Variants in AKAP6 observed in about 807,000 individuals in gnomAD.
AKAP6 encodes the protein A-kinase anchoring protein 6, also known as A-kinase anchor protein 6.
Under a neutral mutation model 188.5 loss-of-function variants are expected in AKAP6, and 58 were observed. The ratio of observed to expected loss-of-function variants is 0.31; its 90% confidence interval spans 0.25 to 0.38. The LOEUF (loss-of-function observed/expected upper bound fraction) is 0.38, where lower values mean the gene tolerates loss of function less well. AKAP6 is among the 10% of genes least tolerant of loss of function. The pLI is 1.00. For missense variants in AKAP6, 2,710 were observed against 2,740.0 expected, an observed-to-expected ratio of 0.99 and a Z score of 0.24; for synonymous variants, 989 against 998.6, an observed-to-expected ratio of 0.99 and a Z score of 0.18.
rs542229337 is a variant in AKAP6, at chr14:32,587,229, T to C, written c.2469+9987T>C. On this transcript the variant is annotated intron_variant, in intron 5 of 13. Coordinates refer to ENST00000280979, the MANE Select transcript of AKAP6 (RefSeq NM_004274.5). Reference sequence around the variant, plus strand: ...CTGTTTTTCTGTTGGTCATTGTTTTTTTTGCTTCAGGATTTATAGGGGCTT... The same window carrying C: ...CTGTTTTTCTGTTGGTCATTGTTTTCTTTGCTTCAGGATTTATAGGGGCTT... Among the ~76,000 whole-genome samples the C allele has an allele frequency of 2.5e-3, 388 of 152,158 alleles. 1 individual carries two copies. The highest frequency in any genetic ancestry group is 4.4e-3 in the Non-Finnish European group (299 of 67,972).
At chr14:32,398,768 C>T (rs1184269571) in intron 1 of AKAP6, among the ~76,000 whole-genome samples, 1 of 138,958 alleles carries the variant, frequency 7.2e-6, no homozygotes, top group Non-Finnish European at 1.5e-5. Flanking sequence ...TTGCCCTTTT[C>T]TTTCTTTTCT....
intron 7 of AKAP6, among the ~76,000 whole-genome samples, chr14:32,632,134 C>T (rs1887300765): frequency 6.6e-6 from 1 of 152,022 alleles, no homozygotes; most frequent in South Asian, 2.1e-4. Context: ...ACTGGGATGT[C>T]TGTTTTGCTA....
intron 2 of AKAP6, among the ~76,000 whole-genome samples, chr14:32,531,353 A>G (rs2139099752): frequency 6.6e-6 from 1 of 152,348 alleles, no homozygotes; most frequent in Middle Eastern, 3.4e-3. Flanking sequence ...ATTACTATAT[A>G]AAATTAGTGC....
chr14:32,408,146 A>C (rs1889358123), intron 1 of AKAP6, among the ~76,000 whole-genome samples: 2 of 152,156 alleles, frequency 1.3e-5, no homozygotes, highest in African/African-American at 4.8e-5. Flanking sequence ...TGTTTGCCAC[A>C]CCATGGCTAG....
At chr14:32,454,689 C>T (rs553588281) in intron 2 of AKAP6, among the ~76,000 whole-genome samples, 3 of 41,792 alleles carry the variant, frequency 7.2e-5, no homozygotes, top group South Asian at 1.7e-3. Flanking sequence ...CCCTCCTTCC[C>T]TCCCTCCCTC....
At position 32,603,915 on chromosome 14, in the gene AKAP6, TA is replaced by T. The variant is rs1190302235; in HGVS notation, c.2730+3130del. ...CTCAACGAGCAAGAATTATTATAAA[TA>T]AAAAAATAAGAATACATTTAAAAAT... On this transcript the variant is annotated intron_variant, in intron 7 of 13. Transcript: ENST00000280979. Among the ~76,000 whole-genome samples, 3 of 151,826 alleles carry T rather than the reference TA, an allele frequency of 2.0e-5. No individual in the cohort carries two copies. In the East Asian group the frequency reaches 5.8e-4, roughly 29 times the overall value.
chr14:32,686,583 A>C (rs1197624602), intron 8 of AKAP6, among the ~76,000 whole-genome samples: 1 of 152,188 alleles, frequency 6.6e-6, no homozygotes, highest in African/African-American at 2.4e-5. Context: ...CTATGTACCC[A>C]CAAAAATTAA....
chr14:32,684,252 GC>G (rs1387682291), intron 8 of AKAP6, among the ~76,000 whole-genome samples: 1 of 152,158 alleles, frequency 6.6e-6, no homozygotes, highest in Non-Finnish European at 1.5e-5. Context: ...GGTAAACTAT[GC>G]CCTCCCTGCC....
intron 2 of AKAP6, among the ~76,000 whole-genome samples, chr14:32,526,860 C>T (rs1429900738): frequency 6.6e-6 from 1 of 152,170 alleles, no homozygotes; most frequent in African/African-American, 2.4e-5. Context: ...CTTATATCCC[C>T]TTGCATTAAG....
chr14:32,735,021 G>A (rs1006287584), intron 10 of AKAP6, among the ~76,000 whole-genome samples: 9 of 152,162 alleles, frequency 5.9e-5, no homozygotes, highest in South Asian at 4.1e-4. Context: ...ACACATATTC[G>A]GTATTAGAAA....
chr14:32,682,010 G>GA (rs1889698381), intron 8 of AKAP6, among the ~76,000 whole-genome samples: 2 of 152,324 alleles, frequency 1.3e-5, no homozygotes, highest in African/African-American at 4.8e-5. Context: ...TTGTTAGGAG[G>GA]AACCAGATCT....
chr14:32,510,438 G>C (rs111969595), intron 2 of AKAP6, among the ~76,000 whole-genome samples: 3 of 84,458 alleles, frequency 3.6e-5, no homozygotes, highest in African/African-American at 1.4e-4. Flanking sequence ...ATATATATGT[G>C]TATATATATA....
At chr14:32,641,369 G>A (rs1294606756) in intron 7 of AKAP6, among the ~76,000 whole-genome samples, 2 of 151,554 alleles carry the variant, frequency 1.3e-5, no homozygotes, top group African/African-American at 2.4e-5. Flanking sequence ...TGGGTGTGGT[G>A]GCTCACACCT....
At chr14:32,807,215 G>A (rs775159873) in intron 12 of AKAP6, among the ~76,000 whole-genome samples, 3 of 151,582 alleles carry the variant, frequency 2.0e-5, no homozygotes, top group Non-Finnish European at 4.4e-5. Context: ...AGGCATGGTG[G>A]CACAAGAGGC....
intron 7 of AKAP6, among the ~76,000 whole-genome samples, chr14:32,617,626 G>GTTGTT (rs750774210): frequency 6.6e-5 from 10 of 151,968 alleles, no homozygotes; most frequent in Non-Finnish European, 1.2e-4. Context: ...TGTCCTTTAG[G>GTTGTT]TTGTTTTGTT....
At chr14:32,616,789 T>C (rs1886600700) in intron 7 of AKAP6, among the ~76,000 whole-genome samples, 1 of 152,236 alleles carries the variant, frequency 6.6e-6, no homozygotes, top group Admixed American at 6.5e-5. Flanking sequence ...AACTAAATCT[T>C]ACTTATAAGC....
chr14:32,547,478 T>C (rs920882257), intron 4 of AKAP6, among the ~76,000 whole-genome samples: 6 of 152,112 alleles, frequency 3.9e-5, no homozygotes, highest in African/African-American at 1.2e-4. Context: ...ATTAGGGATC[T>C]TTTTTTTCTT....
At chr14:32,710,712 T>C (rs1462505941) in intron 9 of AKAP6, among the ~76,000 whole-genome samples, 2 of 152,060 alleles carry the variant, frequency 1.3e-5, no homozygotes, top group Admixed American at 6.6e-5. Context: ...TTGTTAAACG[T>C]AGGAAGTAGG....
intron 11 of AKAP6, 57 bp from the exon 12 acceptor site, chr14:32,773,621 G>A: frequency 6.7e-7 from 1 of 1,487,752 alleles, no homozygotes. Context: ...GGTGTTTCAT[G>A]TTTTAGGGAA....
Sources: allele counts gnomAD v4.1 joint callset (sites outside exome capture counted in the v4.1 genomes callset), GRCh38; gene constraint gnomAD v4.1.1; transcripts MANE v1.5; gene names NCBI Gene and HGNC (gene_info 2026-07-23, HGNC 2026-07-21).